ANXA10: variants seen among roughly 807,000 people sequenced by gnomAD.
The protein encoded by ANXA10 is annexin 14.
ANXA10 carries 49 observed loss-of-function variants against 53.5 expected under a neutral mutation model. The observed-to-expected ratio is 0.92, with a 90% CI of 0.73 to 1.16. The LOEUF (loss-of-function observed/expected upper bound fraction) is 1.16, where lower values mean the gene tolerates loss of function less well. Among genes scored for constraint, ANXA10 ranks in the 50% most tolerant of loss-of-function variants. ANXA10 has a pLI of 0.00. For synonymous variants in ANXA10, 131 were observed against 128.9 expected (o/e 1.02, Z -0.11); for missense variants, 393 against 394.4 (o/e 1.00, Z 0.03).
intron 1 of ANXA10, among the ~76,000 whole-genome samples, chr4:168,103,078 T>C (rs1730666616): frequency 1.3e-5 from 2 of 152,104 alleles, no homozygotes; most frequent in East Asian, 3.8e-4. Flanking sequence ...AAACGTTTTA[T>C]GAAAATGTAA....
At chr4:168,134,162 A>G (rs1304819616) in intron 2 of ANXA10, among the ~76,000 whole-genome samples, 1 of 152,130 alleles carries the variant, frequency 6.6e-6, no homozygotes, top group African/African-American at 2.4e-5. Context: ...GAATATCAAT[A>G]GAAGTGCAAA....
intron 6 of ANXA10, among the ~76,000 whole-genome samples, chr4:168,167,437 A>T (rs1452202477): frequency 1.3e-5 from 2 of 152,210 alleles, no homozygotes; most frequent in African/African-American, 4.8e-5. Flanking sequence ...TATGTGTTCA[A>T]TAGGTTAGGT....
intron 3 of ANXA10, 114 bp downstream of exon 3, chr4:168,139,694 T>C (rs532691090): frequency 1.5e-6 from 1 of 645,336 alleles, no homozygotes; most frequent in South Asian, 2.1e-5. Context: ...ATCTCAGACA[T>C]CATTATATGT....
intron 1 of ANXA10, among the ~76,000 whole-genome samples, chr4:168,105,900 A>T (rs978406894): frequency 6.6e-6 from 1 of 152,020 alleles, no homozygotes; most frequent in Non-Finnish European, 1.5e-5. Context: ...CTTCTTAGCC[A>T]CATATATGTC....
At chr4:168,112,170 C>T (rs928411527) in intron 1 of ANXA10, among the ~76,000 whole-genome samples, 1 of 152,086 alleles carries the variant, frequency 6.6e-6, no homozygotes. Context: ...GTGGCATTCA[C>T]TTGTAGTCCC....
chr4:168,159,985 C>T (rs1412109068), intron 3 of ANXA10, among the ~76,000 whole-genome samples: 1 of 151,976 alleles, frequency 6.6e-6, no homozygotes, highest in African/African-American at 2.4e-5. Context: ...AGTGAGAGAC[C>T]ATTTTAAACA....
intron 6 of ANXA10, among the ~76,000 whole-genome samples, chr4:168,169,015 C>A (rs1378690406): frequency 6.6e-6 from 1 of 152,176 alleles, no homozygotes; most frequent in Non-Finnish European, 1.5e-5. Flanking sequence ...GGATTTTCAT[C>A]TGTAGGATTA....
At chr4:168,155,728 TATATG>T (rs1731616405) in intron 3 of ANXA10, among the ~76,000 whole-genome samples, 1 of 62,268 alleles carries the variant, frequency 1.6e-5, no homozygotes, top group Non-Finnish European at 2.7e-5. Context: ...TATAATATAA[TATATG>T]ATATATCATA....
intron 10 of ANXA10, among the ~76,000 whole-genome samples, 178 bp from the exon 11 acceptor site, chr4:168,184,381 G>A (rs1043962168): frequency 6.6e-6 from 1 of 152,184 alleles, no homozygotes; most frequent in Non-Finnish European, 1.5e-5. Context: ...TAAGGGAGAG[G>A]GAGAAGTGAC....
intron 4 of ANXA10, among the ~76,000 whole-genome samples, chr4:168,163,489 C>T (rs535054855): frequency 2.1e-5 from 2 of 96,632 alleles, no homozygotes; most frequent in South Asian, 2.9e-4. Flanking sequence ...TTTAACTAAT[C>T]GCTTTTAACA....
At chr4:168,143,059 A>T (rs1055860378) in intron 3 of ANXA10, among the ~76,000 whole-genome samples, 1 of 152,154 alleles carries the variant, frequency 6.6e-6, no homozygotes, top group African/African-American at 2.4e-5. Context: ...AAGAAAAGGA[A>T]AAGCATCCTT....
At chr4:168,165,913 G>C (rs1456503849) in intron 6 of ANXA10, among the ~76,000 whole-genome samples, 2 of 152,148 alleles carry the variant, frequency 1.3e-5, no homozygotes, top group Non-Finnish European at 2.9e-5. Flanking sequence ...CTGACTTCAG[G>C]TGATCCGCCT....
chr4:168,172,285 A>G (rs1732006018), intron 6 of ANXA10, among the ~76,000 whole-genome samples: 1 of 152,236 alleles, frequency 6.6e-6, no homozygotes, highest in Non-Finnish European at 1.5e-5. Context: ...TTAGCTGCAT[A>G]GGAAAATAAA....
At chr4:168,119,518 G>A (rs943128778) in intron 1 of ANXA10, among the ~76,000 whole-genome samples, 1 of 152,122 alleles carries the variant, frequency 6.6e-6, no homozygotes, top group Non-Finnish European at 1.5e-5. Flanking sequence ...ATGGGACCAT[G>A]TTTATGCTAC....
chr4:168,093,407 AT>A (rs1730492107), intron 1 of ANXA10, among the ~76,000 whole-genome samples: 1 of 152,204 alleles, frequency 6.6e-6, no homozygotes, highest in African/African-American at 2.4e-5. Context: ...CAACATGAAC[AT>A]TAAGTTGTCT....
intron 3 of ANXA10, among the ~76,000 whole-genome samples, chr4:168,161,251 G>A (rs1453763857): frequency 1.3e-5 from 2 of 152,084 alleles, no homozygotes; most frequent in Non-Finnish European, 2.9e-5. Flanking sequence ...GCATAAGGAA[G>A]GTATACAGTT....
chr4:168,137,312 G>T (rs1731253418), intron 2 of ANXA10, among the ~76,000 whole-genome samples: 1 of 152,264 alleles, frequency 6.6e-6, no homozygotes, highest in Middle Eastern at 3.4e-3. Context: ...AGGGGTACGA[G>T]TGCAGATTTG....
intron 3 of ANXA10, among the ~76,000 whole-genome samples, chr4:168,159,768 CTT>C (rs1393511209): frequency 6.6e-6 from 1 of 151,970 alleles, no homozygotes; most frequent in Non-Finnish European, 1.5e-5. Flanking sequence ...TATTTTCTCT[CTT>C]GTTATAATGC....
chr4:168,176,990 G>A (rs1371837172), intron 6 of ANXA10, among the ~76,000 whole-genome samples: 3 of 152,052 alleles, frequency 2.0e-5, no homozygotes, highest in Non-Finnish European at 4.4e-5. Context: ...ATGGAGCAAG[G>A]CCCTGTCTCA....
Sources: allele counts gnomAD v4.1 joint callset (sites outside exome capture counted in the v4.1 genomes callset), GRCh38; gene constraint gnomAD v4.1.1; transcripts MANE v1.5; gene names NCBI Gene and HGNC (gene_info 2026-07-23, HGNC 2026-07-21).